SYN2: variants seen among roughly 807,000 people sequenced by gnomAD.
SYN2 encodes the protein synapsin-2.
A neutral mutation model predicts 50.9 loss-of-function variants in SYN2; 19 were observed. That is an observed-to-expected ratio of 0.37 (90% CI 0.26 to 0.55). The LOEUF (loss-of-function observed/expected upper bound fraction) is 0.55. Ranked by LOEUF, SYN2 falls within the 20% of genes least tolerant of loss-of-function variation. SYN2 has a pLI of 0.81. For missense variants in SYN2, 587 were observed against 576.4 expected, an observed-to-expected ratio of 1.02 and a Z score of -0.19; for synonymous variants, 255 against 224.9, an observed-to-expected ratio of 1.13 and a Z score of -1.20.
chr3:12,021,783 G>C (rs1694141133), intron 1 of SYN2, among the ~76,000 whole-genome samples: 1 of 151,996 alleles, frequency 6.6e-6, no homozygotes, highest in Non-Finnish European at 1.5e-5. Flanking sequence ...TCAGATTCTT[G>C]GCTGGGCGCG....
At chr3:12,171,637 C>T (rs567927359) in intron 10 of SYN2, among the ~76,000 whole-genome samples, 5 of 152,274 alleles carry the variant, frequency 3.3e-5, no homozygotes, top group African/African-American at 7.2e-5. Flanking sequence ...AAGTAAAGGC[C>T]GTGCTAAGAG....
chr3:12,009,394 CT>C (rs1009639081), intron 1 of SYN2, among the ~76,000 whole-genome samples: 12 of 151,962 alleles, frequency 7.9e-5, no homozygotes, highest in African/African-American at 2.9e-4. Flanking sequence ...CTACCTTTAA[CT>C]TTTATATTTT....
intron 1 of SYN2, among the ~76,000 whole-genome samples, chr3:12,060,301 AG>A (rs1396487792): frequency 1.3e-5 from 2 of 152,158 alleles, no homozygotes; most frequent in African/African-American, 4.8e-5. Context: ...TCTGGCAGGA[AG>A]AAAGGGAGAG....
intron 5 of SYN2, chr3:12,156,868 A>AGAG (rs1208106870): frequency 6.2e-7 from 1 of 1,614,120 alleles, no homozygotes; most frequent in Non-Finnish European, 8.5e-7. Context: ...TTCACACCAC[A>AGAG]GAGGGAAGAG....
chr3:12,131,332 G>T (rs2125209481), intron 1 of SYN2, among the ~76,000 whole-genome samples: 1 of 152,302 alleles, frequency 6.6e-6, no homozygotes, highest in South Asian at 2.1e-4. Flanking sequence ...CTGCAGCTCT[G>T]GTGACAGCGG....
At chr3:12,013,039 A>G (rs1447189313) in intron 1 of SYN2, among the ~76,000 whole-genome samples, 1 of 152,244 alleles carries the variant, frequency 6.6e-6, no homozygotes, top group Non-Finnish European at 1.5e-5. Flanking sequence ...ATCCAGAGGA[A>G]GGTGTCAAAT....
At chr3:12,044,181 T>TCTCTCTCTCTCTCTCA (rs573246278) in intron 1 of SYN2, among the ~76,000 whole-genome samples, 24 of 53,404 alleles carry the variant, frequency 4.5e-4, no homozygotes, top group African/African-American at 1.1e-3. Context: ...TCTCTCTCTC[T>TCTCTCTCTCTCTCTCA]CACACACACA....
intron 1 of SYN2, among the ~76,000 whole-genome samples, chr3:12,138,517 G>C (rs1696948081): frequency 6.6e-6 from 1 of 152,178 alleles, no homozygotes. Context: ...GCACCTAGAT[G>C]TAAACTCTTA....
intron 1 of SYN2, among the ~76,000 whole-genome samples, chr3:12,023,539 G>C (rs1694190963): frequency 6.6e-6 from 1 of 152,200 alleles, no homozygotes; most frequent in South Asian, 2.1e-4. Flanking sequence ...TTCAGAGTCA[G>C]TATTTTACTT....
At position 12,094,752 on chromosome 3, in the gene SYN2, A is replaced by G. The variant is rs183518052; in HGVS notation, c.378-45899A>G. Among the ~76,000 whole-genome samples the G allele has an allele frequency of 1.8e-4, 28 of 152,328 alleles. 1 individual carries two copies. In the East Asian group the frequency reaches 5.0e-3, roughly 27 times the overall value. ...GACAATAGAATGGACAGGATTTGCT[A>G]CTGGATTGGTTATGATGCACAAGGA... On this transcript the variant is annotated intron_variant, in intron 1 of 12. Coordinates refer to ENST00000621198, the MANE Select transcript of SYN2 (RefSeq NM_133625.6).
chr3:12,105,934 TAAC>T (rs1696178490), intron 1 of SYN2, among the ~76,000 whole-genome samples: 1 of 152,188 alleles, frequency 6.6e-6, no homozygotes, highest in Non-Finnish European at 1.5e-5. Flanking sequence ...TATTGCTACA[TAAC>T]AACACCTATT....
intron 1 of SYN2, among the ~76,000 whole-genome samples, chr3:12,098,085 T>C (rs1413733143): frequency 6.6e-6 from 1 of 152,142 alleles, no homozygotes; most frequent in Non-Finnish European, 1.5e-5. Flanking sequence ...GAACACACCA[T>C]AATCAAACTG....
chr3:12,179,395 A>G (rs1417625524), intron 10 of SYN2, among the ~76,000 whole-genome samples: 1 of 143,160 alleles, frequency 7.0e-6, no homozygotes, highest in East Asian at 2.0e-4. Context: ...AAAAAAAAAA[A>G]AAGCATAAAC....
intron 1 of SYN2, among the ~76,000 whole-genome samples, chr3:12,094,853 A>G (rs148254960): frequency 2.2e-4 from 33 of 152,344 alleles, no homozygotes; most frequent in African/African-American, 7.7e-4. Flanking sequence ...AGAATATGGA[A>G]TGCTAGAAGA....
intron 3 of SYN2, among the ~76,000 whole-genome samples, chr3:12,144,431 C>T (rs1298266421): frequency 6.6e-6 from 1 of 152,112 alleles, no homozygotes; most frequent in Non-Finnish European, 1.5e-5. Context: ...TTTAAGGAGT[C>T]AGAAAAGAAC....
intron 1 of SYN2, among the ~76,000 whole-genome samples, chr3:12,067,607 T>C (rs1417571953): frequency 1.5e-5 from 2 of 136,274 alleles, no homozygotes; most frequent in Non-Finnish European, 3.2e-5. Flanking sequence ...GACTCTCTTA[T>C]CTTAACCAGA....
chr3:12,130,548 A>G (rs184160956), intron 1 of SYN2, among the ~76,000 whole-genome samples: 2 of 152,264 alleles, frequency 1.3e-5, no homozygotes, highest in African/African-American at 4.8e-5. Context: ...GGGGAGGGCA[A>G]TCTGCTTGAC....
chr3:12,116,052 A>G (rs1696427719), intron 1 of SYN2, among the ~76,000 whole-genome samples: 1 of 152,194 alleles, frequency 6.6e-6, no homozygotes, highest in South Asian at 2.1e-4. Context: ...TAGAGGGTTA[A>G]TGATAGCCCA....
chr3:12,133,476 A>AAAGTTCTATAAAG (rs1696832709), intron 1 of SYN2, among the ~76,000 whole-genome samples: 1 of 152,202 alleles, frequency 6.6e-6, no homozygotes, highest in Admixed American at 6.5e-5. Context: ...ATAAAGTGTT[A>AAAGTTCTATAAAG]TGTCATTTCA....
Sources: allele counts gnomAD v4.1 joint callset (sites outside exome capture counted in the v4.1 genomes callset), GRCh38; gene constraint gnomAD v4.1.1; transcripts MANE v1.5; gene names NCBI Gene and HGNC (gene_info 2026-07-23, HGNC 2026-07-21).